CRMP1: variants seen among roughly 807,000 people sequenced by gnomAD.
CRMP1 encodes collapsin response mediator protein 1, also known as dihydropyrimidinase-related protein 1.
Under a neutral mutation model 68.3 loss-of-function variants are expected in CRMP1, and 19 were observed. That is an observed-to-expected ratio of 0.28 (90% CI 0.19 to 0.41). The LOEUF (loss-of-function observed/expected upper bound fraction) is 0.41. Among genes scored for constraint, CRMP1 ranks in the 10% least tolerant of loss-of-function variants. The pLI is 1.00. For synonymous variants in CRMP1, 439 were observed against 399.6 expected (o/e 1.10, Z -1.18); for missense variants, 791 against 967.4 (o/e 0.82, Z 2.42).
In CRMP1 at chr4:5,878,418, G is replaced by A. The variant is rs1040278454; in HGVS notation, c.382-11662C>T. ...CACCTGCCCTCTTGACACGATTATC[G>A]TGAATGTGGTCAAAAGTGGTTAAGG... On this transcript the variant is annotated intron_variant, in intron 1 of 13. Coordinates refer to ENST00000324989, the MANE Select transcript of CRMP1 (RefSeq NM_001014809.3). Among the ~76,000 whole-genome samples the A allele has an allele frequency of 2.0e-5, 3 of 152,216 alleles. 1 individual carries two copies. Among genetic ancestry groups the A allele is most frequent in the South Asian group, 4.2e-4 (2 of 4,806 alleles).
At position 5,879,305 on chromosome 4, in the gene CRMP1, A is replaced by G. The variant is rs1715070070; in HGVS notation, c.382-12549T>C. Reference sequence around the variant, plus strand: ...CATCTGCTCTGCTCATTGCTTTCCAACTCCTTAGTCACGTGCAGTGTCTTG... The same window carrying G: ...CATCTGCTCTGCTCATTGCTTTCCAGCTCCTTAGTCACGTGCAGTGTCTTG... On this transcript the variant is annotated intron_variant, in intron 1 of 13. Coordinates refer to ENST00000324989, the MANE Select transcript of CRMP1 (RefSeq NM_001014809.3). This position sits in a 1 kb window ranked among gnomAD's most constrained non-coding sequence, Gnocchi z 4.2. 6.6e-6 allele frequency among the ~76,000 whole-genome samples: 1 copy of G among 151,384 alleles called. No individual in the cohort carries two copies. The highest frequency in any genetic ancestry group is 1.5e-5 in the Non-Finnish European group (1 of 67,878).
intron 1 of CRMP1, among the ~76,000 whole-genome samples, chr4:5,869,511 T>C (rs367609451): frequency 5.3e-5 from 8 of 151,212 alleles, no homozygotes; most frequent in East Asian, 2.0e-4. Flanking sequence ...TGAAACGCCA[T>C]CTCTACTAAA....
chr4:5,891,197 C>G lies in CRMP1; in HGVS notation c.381+1392G>C, dbSNP rs1040631700. On this transcript the variant is annotated intron_variant, in intron 1 of 13. Transcript: ENST00000324989. This position sits in a 1 kb window ranked among gnomAD's most constrained non-coding sequence, Gnocchi z 5.2. ...ACATACACACACACACACACACACA[C>G]ACACACACACACACACCCTTGCTGT... Among the ~76,000 whole-genome samples, 1 of 148,330 alleles carries G rather than the reference C, an allele frequency of 6.7e-6. No homozygotes were observed. The highest frequency in any genetic ancestry group is 2.4e-5 in the African/African-American group (1 of 40,846).
Position 5,892,702 on chromosome 4 carries a change from C to G in CRMP1, c.268G>C (p.Glu90Gln). 8.2e-7 allele frequency: 1 copy of G among 1,225,716 alleles called. No individual in the cohort carries two copies. Among genetic ancestry groups the G allele is most frequent in the Admixed American group, 4.1e-5 (1 of 24,530 alleles). 75.9% of individuals were successfully genotyped at this position (1,225,716 alleles called of 1,614,324 possible). ...GAGCTGACCGCGGAGCCCGAGGGCTCGCTCACGTCGCTGGCCGTGTCCTCG... is the reference window on the plus strand; with the variant it reads ...GAGCTGACCGCGGAGCCCGAGGGCTGGCTCACGTCGCTGGCCGTGTCCTCG... The part of the protein sequence containing the change: ...GSEDTASDVS[E>Q]PSGSAVSSPG... The change falls in exon 1 of 14, where the codon GAG becomes CAG. Residue 90 changes from glutamate (E) to glutamine (Q), a missense_variant. Glu to Gln is a conservative substitution (Grantham distance 29, BLOSUM62 2). This residue lies in a region of CRMP1 where 193 missense variants were observed against 186.3 expected (regional missense o/e 1.04). Coordinates refer to ENST00000324989, the MANE Select transcript of CRMP1 (RefSeq NM_001014809.3). This position sits in a 1 kb window ranked among gnomAD's most constrained non-coding sequence, Gnocchi z 8.6.
chr4:5,888,584 G>A lies in CRMP1; in HGVS notation c.381+4005C>T, dbSNP rs957246594. ...GAGCGAAGCCGGATTCGCCCCTCTC[G>A]GCTCGAACCAGGAAGCGCTTCCCTT... On this transcript the variant is annotated intron_variant, in intron 1 of 13. Transcript: ENST00000324989. This position sits in a 1 kb window ranked among gnomAD's most constrained non-coding sequence, Gnocchi z 6.4. 25 of 1,078,228 alleles carry A rather than the reference G, an allele frequency of 2.3e-5. No individual in the cohort carries two copies. Among genetic ancestry groups the A allele is most frequent in the Non-Finnish European group, 2.7e-5 (24 of 890,292 alleles). 66.8% of individuals were successfully genotyped at this position (1,078,228 alleles called of 1,614,324 possible).
Position 5,892,562 on chromosome 4 carries a change from T to A in CRMP1, c.381+27A>T. The A allele has an allele frequency of 1.7e-6, 2 of 1,172,054 alleles. No individual in the cohort carries two copies. Among genetic ancestry groups the A allele is most frequent in the Non-Finnish European group, 2.1e-6 (2 of 949,276 alleles). The allele number at this position is 1,172,054 out of a possible 1,614,324, so 72.6% of individuals were successfully genotyped here. A position where few individuals can be genotyped will look rare whatever the true frequency, so the allele number is the denominator to read the frequency against. On this transcript the variant is annotated intron_variant, in intron 1 of 13. Transcript: ENST00000324989. This position sits in a 1 kb window ranked among gnomAD's most constrained non-coding sequence, Gnocchi z 8.6. ...GTCCTCCCGGGGCCCGCCCCCCTCG[T>A]CTGGCCCGCGCGCGCCCCGAGGGTA...
rs74778820 is a variant in CRMP1 at position 5,883,775 on chromosome 4, T to C, written c.381+8814A>G. The stretch of plus-strand genomic sequence containing the variant: ...TTTTCAGAACAGAGCTATGACCTGT[T>C]AGATATTTACTATGTGCCATGCACA... On this transcript the variant is annotated intron_variant, in intron 1 of 13. Coordinates refer to ENST00000324989, the MANE Select transcript of CRMP1 (RefSeq NM_001014809.3). The surrounding 1 kb of genome is among the most constrained non-coding windows in gnomAD (Gnocchi z 4.5). Among the ~76,000 whole-genome samples, 771 of 152,302 alleles carry C rather than the reference T, an allele frequency of 5.1e-3. 2 individuals are homozygous for C. The highest frequency in any genetic ancestry group is 0.017 in the African/African-American group (715 of 41,572).
At position 5,891,210 on chromosome 4, in the gene CRMP1, A is replaced by ACACACACACACACC. The variant is rs1288610216; in HGVS notation, c.381+1378_381+1379insGGTGTGTGTGTGTG. 2.7e-5 allele frequency among the ~76,000 whole-genome samples: 4 copies of ACACACACACACACC among 150,568 alleles called. 1 individual carries two copies. The highest frequency in any genetic ancestry group is 9.9e-5 in the African/African-American group (4 of 40,606). ...CACACACACACACACACACACACAC[A>ACACACACACACACC]CACCCTTGCTGTTGGACCTCTCCCT... On this transcript the variant is annotated intron_variant, in intron 1 of 13. Coordinates refer to ENST00000324989, the MANE Select transcript of CRMP1 (RefSeq NM_001014809.3). The surrounding 1 kb of genome is among the most constrained non-coding windows in gnomAD (Gnocchi z 5.2).
rs1333537242 is a variant in CRMP1 at position 5,856,155 on chromosome 4, C to T, written c.808G>A (p.Val270Met). The T allele has an allele frequency of 6.2e-7, 1 of 1,613,938 alleles. No individual in the cohort carries two copies. Among genetic ancestry groups the T allele is most frequent in the Admixed American group, 1.7e-5 (1 of 60,010 alleles). The change falls in exon 4 of 14, where the codon GTG becomes ATG. Residue 270 changes from valine (V) to methionine (M), a missense_variant. By Grantham distance (21) the Val-to-Met change is conservative (BLOSUM62 1). This residue lies in a region of CRMP1 where 594 missense variants were observed against 763.6 expected (regional missense o/e 0.78). Coordinates refer to ENST00000324989, the MANE Select transcript of CRMP1 (RefSeq NM_001014809.3). ...DGVREELEVL[V>M]QDKGVNSFQV... ...GGCTTTAACTGACCTTTGTCCTGCA[C>T]CAGCACCTCCAGCTCCTCCCGAACG...
Position 5,854,433 on chromosome 4 carries a change from C to A in CRMP1, c.820+1710G>T, listed in dbSNP as rs1467655404. On this transcript the variant is annotated intron_variant, in intron 4 of 13. Coordinates refer to ENST00000324989, the MANE Select transcript of CRMP1 (RefSeq NM_001014809.3). This position sits in a 1 kb window ranked among gnomAD's most constrained non-coding sequence, Gnocchi z 4.0. ...TTTTTTTTTTTTTTTTTAATAGAGTCGTGGTCTCACTATGTTGCCCAGGCT... is the reference window on the plus strand; with the variant it reads ...TTTTTTTTTTTTTTTTTAATAGAGTAGTGGTCTCACTATGTTGCCCAGGCT... Among the ~76,000 whole-genome samples the A allele has an allele frequency of 8.0e-6, 1 of 125,214 alleles. No homozygotes were observed. The highest frequency in any genetic ancestry group is 9.1e-5 in the Admixed American group (1 of 10,938). 82.1% of individuals were successfully genotyped at this position (125,214 alleles called of 152,430 possible). A position where few individuals can be genotyped will look rare whatever the true frequency, so the allele number is the denominator to read the frequency against.
chr4:5,828,200 G>A lies in CRMP1; in HGVS notation c.1803+289C>T, dbSNP rs921386869. 46 of 985,318 alleles carry A rather than the reference G, an allele frequency of 4.7e-5. No homozygotes were observed. The African/African-American group carries it at 7.7e-4, about 16-fold the overall frequency. The allele number at this position is 985,318 out of a possible 1,614,324, so 61.0% of individuals were successfully genotyped here. On this transcript the variant is annotated intron_variant, in intron 12 of 13. Coordinates refer to ENST00000324989, the MANE Select transcript of CRMP1 (RefSeq NM_001014809.3). ...GGATTACTTAAGATGACGCAGGACAGCGCCCAGAGCAGCTTGGTAAGCGTC... is the reference window on the plus strand; with the variant it reads ...GGATTACTTAAGATGACGCAGGACAACGCCCAGAGCAGCTTGGTAAGCGTC...
chr4:5,845,749 T>TA (rs1338379378), intron 6 of CRMP1, among the ~76,000 whole-genome samples: 2 of 152,198 alleles, frequency 1.3e-5, no homozygotes, highest in Non-Finnish European at 2.9e-5. Context: ...AAAAGATATC[T>TA]AAATGTGTGG....
In CRMP1 at chr4:5,825,861, A is replaced by G. The variant is rs1560478304; in HGVS notation, c.1804-202T>C. 7.0e-6 allele frequency: 4 copies of G among 573,028 alleles called. No homozygotes were observed. Among genetic ancestry groups the G allele is most frequent in the Non-Finnish European group, 1.2e-5 (4 of 329,210 alleles). The allele number at this position is 573,028 out of a possible 1,614,324, so 35.5% of individuals were successfully genotyped here. A position where few individuals can be genotyped will look rare whatever the true frequency, so the allele number is the denominator to read the frequency against. On this transcript the variant is annotated intron_variant, in intron 12 of 13. Coordinates refer to ENST00000324989, the MANE Select transcript of CRMP1 (RefSeq NM_001014809.3). The surrounding 1 kb of genome is among the most constrained non-coding windows in gnomAD (Gnocchi z 4.4). ...CAGGCATTCATACACACAAGCATGC[A>G]TACACACACATCTACATACCCACAT... is the stretch of plus-strand genomic sequence containing the variant.
rs1041058066 is a variant in CRMP1, at chr4:5,834,003, G to A, written c.1623+1912C>T. On this transcript the variant is annotated intron_variant, in intron 11 of 13. Coordinates refer to ENST00000324989, the MANE Select transcript of CRMP1 (RefSeq NM_001014809.3). This position sits in a 1 kb window ranked among gnomAD's most constrained non-coding sequence, Gnocchi z 4.3. ...GGAGCTTGCAGTGAGCCGAGATTGC[G>A]CCACTGCACTCCAGCCTGGGCAACA... Among the ~76,000 whole-genome samples, 2 of 152,160 alleles carry A rather than the reference G, an allele frequency of 1.3e-5. No homozygotes were observed. The highest frequency in any genetic ancestry group is 4.8e-5 in the African/African-American group (2 of 41,450).
intron 8 of CRMP1, among the ~76,000 whole-genome samples, chr4:5,840,572 G>A (rs1033878168): frequency 5.3e-5 from 8 of 152,198 alleles, no homozygotes; most frequent in African/African-American, 1.2e-4. Flanking sequence ...AGCAACCACC[G>A]GCCACATGTG....
chr4:5,828,253 G>A (rs955863188), intron 12 of CRMP1: 3 of 985,268 alleles, frequency 3.0e-6, no homozygotes, highest in East Asian at 2.3e-4. Context: ...ACCCTCACGG[G>A]TGCACACCCC....
intron 2 of CRMP1, among the ~76,000 whole-genome samples, chr4:5,862,170 A>T (rs1328898885): frequency 6.6e-6 from 1 of 152,206 alleles, no homozygotes. Flanking sequence ...ATGTTACCAC[A>T]CATGTCCACC....
Position 5,858,376 on chromosome 4 carries a change from A to G in CRMP1, c.656-2069T>C, listed in dbSNP as rs1263820188. Among the ~76,000 whole-genome samples, 2 of 150,664 alleles carry G rather than the reference A, an allele frequency of 1.3e-5. No homozygotes were observed. Among genetic ancestry groups the G allele is most frequent in the Non-Finnish European group, 3.0e-5 (2 of 67,780 alleles). On this transcript the variant is annotated intron_variant, in intron 3 of 13. Coordinates refer to ENST00000324989, the MANE Select transcript of CRMP1 (RefSeq NM_001014809.3). This position sits in a 1 kb window ranked among gnomAD's most constrained non-coding sequence, Gnocchi z 5.5. ...GATGACTCAAAAGCTCCCCCAAATG[A>G]GAATGTCCAAAACCTCATGCAATAC...
At position 5,838,962 on chromosome 4, in the gene CRMP1, G is replaced by T. The variant is rs1011876785; in HGVS notation, c.1310+560C>A. The stretch of plus-strand genomic sequence containing the variant: ...AGCCTCGCTGTGTGGCCCTGCTATT[G>T]CTAAGTGCTCTTCCCTCCTGGTGGC... On this transcript the variant is annotated intron_variant, in intron 9 of 13. Transcript: ENST00000324989. The surrounding 1 kb of genome is among the most constrained non-coding windows in gnomAD (Gnocchi z 4.9). Among the ~76,000 whole-genome samples the T allele has an allele frequency of 6.6e-6, 1 of 152,192 alleles. No homozygotes were observed. Among genetic ancestry groups the T allele is most frequent in the South Asian group, 2.1e-4 (1 of 4,828 alleles).
Sources: allele counts gnomAD v4.1 joint callset (sites outside exome capture counted in the v4.1 genomes callset), GRCh38; gene constraint gnomAD v4.1.1; regional missense constraint gnomAD v4.1.1; non-coding constraint Gnocchi (gnomAD v3.1); transcripts MANE v1.5; gene names NCBI Gene and HGNC (gene_info 2026-07-23, HGNC 2026-07-21).